The following ACAD11 variants were observed in gnomAD, a reference collection of about 807,000 sequenced individuals.
The protein encoded by ACAD11 is acyl-Coenzyme A dehydrogenase family, member 11.
In ACAD11, 83 loss-of-function variants were observed where a neutral mutation model predicts 102.2. The observed-to-expected ratio is 0.81, with a 90% CI of 0.68 to 0.97. ACAD11 has a LOEUF of 0.97. Among genes scored for constraint, ACAD11 ranks in the 50% least tolerant of loss-of-function variants. ACAD11 has a pLI of 0.00. For synonymous variants in ACAD11, 324 were observed against 319.8 expected, an observed-to-expected ratio of 1.01 and a Z score of -0.14; for missense variants, 901 against 951.7, an observed-to-expected ratio of 0.95 and a Z score of 0.70.
At chr3:132,650,495 A>G (rs1031717615) in intron 1 of ACAD11, 23 of 152,198 alleles carry the variant, frequency 1.5e-4, no homozygotes, top group African/African-American at 5.5e-4. Flanking sequence ...GTTTAGTGAC[A>G]GTTTTTTTAA....
Position 132,659,687 on chromosome 3 carries a change from C to T in ACAD11, c.65G>A (p.Ser22Asn). ...AEVLPQHKFD[S>N]KSLEAYLNQH... Reference sequence around the variant, plus strand: ...GTTTAGGTAGGCCTCCAGGGACTTGCTGTCGAACTTGTGCTGGGGCAGCAC... The same window carrying T: ...GTTTAGGTAGGCCTCCAGGGACTTGTTGTCGAACTTGTGCTGGGGCAGCAC... Residue 22 changes from serine (S) to asparagine (N), a missense_variant, in exon 1 of 20, where the codon AGC becomes AAC. Physicochemically the swap from Ser to Asn is conservative, Grantham distance 46. Coordinates refer to ENST00000264990, the MANE Select transcript of ACAD11 (RefSeq NM_032169.5). The T allele has an allele frequency of 6.2e-7, 1 of 1,611,434 alleles. No individual in the cohort carries two copies. The highest frequency in any genetic ancestry group is 8.5e-7 in the Non-Finnish European group (1 of 1,178,720).
chr3:132,659,538 G>A, intron 1 of ACAD11, 65 bp downstream of exon 1: 1 of 1,601,294 alleles, frequency 6.2e-7, no homozygotes, highest in East Asian at 2.3e-5. Context: ...ACCACCCAGG[G>A]CCAAAGGAAG....
chr3:132,642,294 C>T (rs1328895562), intron 3 of ACAD11, among the ~76,000 whole-genome samples, 161 bp from the exon 4 acceptor site: 1 of 152,132 alleles, frequency 6.6e-6, no homozygotes, highest in African/African-American at 2.4e-5. Flanking sequence ...ATCAAAACTA[C>T]TCTCAACTAT....
Position 132,559,958 on chromosome 3 carries a change from A to T in ACAD11, c.2119-16T>A. 1 of 1,585,452 alleles carries T rather than the reference A, an allele frequency of 6.3e-7. No individual in the cohort carries two copies. Among genetic ancestry groups the T allele is most frequent in the Non-Finnish European group, 8.6e-7 (1 of 1,156,902 alleles). On this transcript the variant is annotated splice_polypyrimidine_tract_variant and intron_variant, in intron 18 of 19. Transcript: ENST00000264990. ...TCATTGCAATCTATATAAGCAAAAT[A>T]TGAAAAGAATGCTTCTTTCTTAGAC...
chr3:132,619,056 C>T, intron 10 of ACAD11: 1 of 333,106 alleles, frequency 3.0e-6, no homozygotes, highest in Non-Finnish European at 5.3e-6. Context: ...AGAACTATTA[C>T]AAAATCTCCC....
chr3:132,611,985 C>T lies in ACAD11; in HGVS notation c.1414+6649G>A, dbSNP rs553752515. Reference sequence around the variant, plus strand: ...CCTGACTTCAAACTACACTACAAGGCTACAGTAACCAAAACAGCATGGTAC... The same window carrying T: ...CCTGACTTCAAACTACACTACAAGGTTACAGTAACCAAAACAGCATGGTAC... On this transcript the variant is annotated intron_variant, in intron 11 of 19. Transcript: ENST00000264990. Among the ~76,000 whole-genome samples, 567 of 152,138 alleles carry T rather than the reference C, an allele frequency of 3.7e-3. 9 individuals carry two copies. The highest frequency in any genetic ancestry group is 0.013 in the African/African-American group (544 of 41,400).
At chr3:132,654,033 A>C (rs1283772443) in intron 1 of ACAD11, among the ~76,000 whole-genome samples, 1 of 152,028 alleles carries the variant, frequency 6.6e-6, no homozygotes, top group East Asian at 1.9e-4. Flanking sequence ...GAAACTTAAC[A>C]CTCCAAAACT....
At chr3:132,596,878 C>CA (rs1349213480) in intron 13 of ACAD11, among the ~76,000 whole-genome samples, 1 of 152,158 alleles carries the variant, frequency 6.6e-6, no homozygotes, top group African/African-American at 2.4e-5. Flanking sequence ...ATTTAGTCTT[C>CA]AAAAAGATAT....
In ACAD11 at chr3:132,603,192, C is replaced by G. The variant is rs927740645; in HGVS notation, c.1621+37G>C. ...TAGCATAGCATCTGGAACAAAGGATCAGTGTGTTAGGTGAAAAAATTAGGC... is the reference window on the plus strand; with the variant it reads ...TAGCATAGCATCTGGAACAAAGGATGAGTGTGTTAGGTGAAAAAATTAGGC... On this transcript the variant is annotated intron_variant, in intron 13 of 19. Transcript: ENST00000264990. 9.0e-6 allele frequency: 13 copies of G among 1,448,848 alleles called. No individual in the cohort carries two copies. In the African/African-American group the frequency reaches 1.7e-4, roughly 19 times the overall value. 89.7% of individuals were successfully genotyped at this position (1,448,848 alleles called of 1,614,324 possible).
chr3:132,571,418 T>G (rs947140965), intron 17 of ACAD11, among the ~76,000 whole-genome samples: 1 of 150,912 alleles, frequency 6.6e-6, no homozygotes, highest in South Asian at 2.1e-4. Context: ...CAGATGCAAA[T>G]AGTTTGCTAA....
chr3:132,632,156 T>C (rs568726121), intron 5 of ACAD11, among the ~76,000 whole-genome samples: 66 of 151,706 alleles, frequency 4.4e-4, no homozygotes, highest in African/African-American at 1.6e-3. Flanking sequence ...CGATCTCTGC[T>C]CACTGCAAGC....
At chr3:132,657,105 C>A (rs1317562293) in intron 1 of ACAD11, among the ~76,000 whole-genome samples, 2 of 152,166 alleles carry the variant, frequency 1.3e-5, no homozygotes, top group Non-Finnish European at 2.9e-5. Context: ...ATAACTTACA[C>A]ATCTTCCAAA....
chr3:132,631,105 T>TA (rs1238108437), intron 6 of ACAD11, among the ~76,000 whole-genome samples: 9 of 151,972 alleles, frequency 5.9e-5, no homozygotes, highest in African/African-American at 2.2e-4. Context: ...TATACATGTG[T>TA]AAAAAACGTG....
At chr3:132,582,934 TTAAC>T (rs1490364967) in intron 13 of ACAD11, among the ~76,000 whole-genome samples, 3 of 152,128 alleles carry the variant, frequency 2.0e-5, no homozygotes, top group East Asian at 1.9e-4. Flanking sequence ...GAGAGGACTC[TTAAC>T]TAACTGGGAC....
chr3:132,614,637 A>T (rs1042843060), intron 11 of ACAD11, among the ~76,000 whole-genome samples: 1 of 152,196 alleles, frequency 6.6e-6, no homozygotes, highest in African/African-American at 2.4e-5. Context: ...GAAAGCTGAA[A>T]CTGGATGCCT....
intron 11 of ACAD11, among the ~76,000 whole-genome samples, chr3:132,607,696 A>G (rs923371431): frequency 6.6e-6 from 1 of 152,130 alleles, no homozygotes; most frequent in Non-Finnish European, 1.5e-5. Flanking sequence ...GTTGGAAAAC[A>G]CTCCTCAGGA....
chr3:132,647,449 G>A lies in ACAD11; in HGVS notation c.150-2553C>T, dbSNP rs866950074. Reference sequence around the variant, plus strand: ...ACAAATAGAAAATCTTTGCATGTAAGTGTGCAGCCATGGACACTTACTTGG... The same window carrying A: ...ACAAATAGAAAATCTTTGCATGTAAATGTGCAGCCATGGACACTTACTTGG... On this transcript the variant is annotated intron_variant, in intron 1 of 19. Transcript: ENST00000264990. 3.3e-5 allele frequency: 5 copies of A among 152,314 alleles called. No individual in the cohort carries two copies. In the South Asian group the frequency reaches 1.0e-3, roughly 32 times the overall value. The allele number at this position is 152,314 out of a possible 1,614,324, so 9.4% of individuals were successfully genotyped here.
rs41272319 is a variant in ACAD11, at chr3:132,619,451, G to A, written c.1275+17C>T. 29,313 of 1,540,778 alleles carry A rather than the reference G, an allele frequency of 0.019. 514 individuals are homozygous for A. The highest frequency in any genetic ancestry group is 0.067 in the South Asian group (5,383 of 80,046). Reference sequence around the variant, plus strand: ...AACACTTGCATATGAATTTTCTAGCGTTAAAGATTTTCTTACCTTGAGTTT... The same window carrying A: ...AACACTTGCATATGAATTTTCTAGCATTAAAGATTTTCTTACCTTGAGTTT... On this transcript the variant is annotated intron_variant, in intron 10 of 19. Coordinates refer to ENST00000264990, the MANE Select transcript of ACAD11 (RefSeq NM_032169.5).
intron 6 of ACAD11, among the ~76,000 whole-genome samples, 168 bp downstream of exon 6, chr3:132,631,169 AAAAG>A (rs1464148044): frequency 9.9e-5 from 15 of 152,248 alleles, no homozygotes; most frequent in African/African-American, 3.4e-4. Context: ...TAAATTAAAA[AAAAG>A]AATTATCTTC....
Sources: gnomAD v4.1 joint callset for allele counts (sites outside exome capture counted in the v4.1 genomes callset) on GRCh38, gnomAD v4.1.1 for gene constraint, MANE v1.5 for transcripts, NCBI Gene and HGNC (gene_info 2026-07-23, HGNC 2026-07-21) for gene names.